BTBD9: variants seen among roughly 807,000 people sequenced by gnomAD.
BTBD9 encodes the protein BTB/POZ domain-containing protein 9.
In BTBD9, 49 loss-of-function variants were observed where a neutral mutation model predicts 64.3. The observed-to-expected ratio is 0.76, with a 90% CI of 0.61 to 0.97. The LOEUF (loss-of-function observed/expected upper bound fraction) is 0.97. BTBD9 is among the 50% of genes least tolerant of loss of function. The pLI, the probability that BTBD9 is intolerant of heterozygous loss-of-function variation, is 0.00. For missense variants in BTBD9, 598 were observed against 762.1 expected, an observed-to-expected ratio of 0.78 and a Z score of 2.53; for synonymous variants, 260 against 274.7, an observed-to-expected ratio of 0.95 and a Z score of 0.53.
intron 7 of BTBD9, among the ~76,000 whole-genome samples, chr6:38,301,351 G>A (rs576448562): frequency 6.6e-6 from 1 of 152,148 alleles, no homozygotes; most frequent in Non-Finnish European, 1.5e-5. Context: ...CCAGGCTTTG[G>A]TATCAGGATG....
intron 9 of BTBD9, among the ~76,000 whole-genome samples, chr6:38,235,432 CA>C (rs1351773364): frequency 6.6e-6 from 1 of 152,114 alleles, no homozygotes; most frequent in East Asian, 1.9e-4. Context: ...AACAGAGCTA[CA>C]AAGAGGGAAA....
Position 38,368,849 on chromosome 6 carries a change from A to G in BTBD9, c.1155-23756T>C, listed in dbSNP as rs542171547. 4.6e-5 allele frequency among the ~76,000 whole-genome samples: 7 copies of G among 152,260 alleles called. No homozygotes were observed. The East Asian group carries it at 1.2e-3, about 25-fold the overall frequency. On this transcript the variant is annotated intron_variant, in intron 6 of 10. Transcript: ENST00000481247. Reference sequence around the variant, plus strand: ...ATTTTCACACCTCTAACTTCAGGGTATTCTTCAATCACAATTCACAGCTCG... The same window carrying G: ...ATTTTCACACCTCTAACTTCAGGGTGTTCTTCAATCACAATTCACAGCTCG...
Position 38,580,307 on chromosome 6 carries a change from A to G in BTBD9, c.945T>C (p.Asp315=), listed in dbSNP as rs562053963. 6.2e-6 allele frequency: 10 copies of G among 1,614,260 alleles called. No individual in the cohort carries two copies. The South Asian group carries it at 9.9e-5, about 16-fold the overall frequency. The change falls in exon 5 of 11, where the codon GAT becomes GAC. Residue 315 remains aspartate (D), a synonymous_variant. Coordinates refer to ENST00000481247, the MANE Select transcript of BTBD9 (RefSeq NM_001099272.2). ...TCTCGATGCCGGAACGGCAGTCATC[A>G]TCAATTGGGTGCCTTGAAAATCCAT... ...LDHGFSRHPI[D]DDCRSGIEIK...
chr6:38,618,211 G>C (rs192980830), intron 1 of BTBD9, among the ~76,000 whole-genome samples: 1 of 152,154 alleles, frequency 6.6e-6, no homozygotes, highest in Non-Finnish European at 1.5e-5. Flanking sequence ...AATTTGACCC[G>C]CAAAACCTGA....
intron 6 of BTBD9, among the ~76,000 whole-genome samples, chr6:38,352,624 G>C (rs1764565502): frequency 6.6e-6 from 1 of 152,138 alleles, no homozygotes; most frequent in African/African-American, 2.4e-5. Flanking sequence ...CTCAATCCCA[G>C]GCTCCACATG....
At chr6:38,451,960 T>TTGGG (rs1349740590) in intron 6 of BTBD9, among the ~76,000 whole-genome samples, 1 of 152,100 alleles carries the variant, frequency 6.6e-6, no homozygotes, top group East Asian at 1.9e-4. Flanking sequence ...TCCTCATTCT[T>TTGGG]TGAAAACTTT....
intron 7 of BTBD9, among the ~76,000 whole-genome samples, chr6:38,328,857 G>A (rs1442613574): frequency 2.0e-5 from 3 of 151,772 alleles, no homozygotes; most frequent in Non-Finnish European, 2.9e-5. Flanking sequence ...TGAGGCAGGC[G>A]AATGGCGTGA....
At chr6:38,185,501 C>T (rs1346538886) in intron 10 of BTBD9, among the ~76,000 whole-genome samples, 1 of 152,210 alleles carries the variant, frequency 6.6e-6, no homozygotes, top group Non-Finnish European at 1.5e-5. Context: ...TACAGCCAGA[C>T]TGCCTGGATT....
intron 9 of BTBD9, among the ~76,000 whole-genome samples, chr6:38,219,875 A>G (rs1763140460): frequency 6.6e-6 from 1 of 152,232 alleles, no homozygotes; most frequent in South Asian, 2.1e-4. Flanking sequence ...CTCTCCAAAG[A>G]GCTGGATAAT....
At chr6:38,336,658 G>A (rs1183989848) in intron 7 of BTBD9, among the ~76,000 whole-genome samples, 1 of 152,078 alleles carries the variant, frequency 6.6e-6, no homozygotes, top group African/African-American at 2.4e-5. Flanking sequence ...GATTTGGATG[G>A]GGATACCGCC....
chr6:38,227,180 G>A (rs1763425538), intron 9 of BTBD9, among the ~76,000 whole-genome samples: 1 of 152,178 alleles, frequency 6.6e-6, no homozygotes, highest in Non-Finnish European at 1.5e-5. Context: ...ACACTGTTTA[G>A]AGGAAGGTCA....
At chr6:38,517,575 G>C (rs541453714) in intron 6 of BTBD9, among the ~76,000 whole-genome samples, 1 of 152,230 alleles carries the variant, frequency 6.6e-6, no homozygotes, top group African/African-American at 2.4e-5. Flanking sequence ...GAATGACATA[G>C]CCTGGTCATA....
intron 7 of BTBD9, among the ~76,000 whole-genome samples, chr6:38,341,714 A>C (rs1313813105): frequency 6.6e-6 from 1 of 152,226 alleles, no homozygotes; most frequent in Non-Finnish European, 1.5e-5. Flanking sequence ...TCTCACTGGT[A>C]AGACAAGTTA....
intron 6 of BTBD9, among the ~76,000 whole-genome samples, chr6:38,522,466 T>C (rs546691216): frequency 9.2e-5 from 14 of 152,252 alleles, no homozygotes; most frequent in Non-Finnish European, 2.1e-4. Flanking sequence ...CTGCAGCCTC[T>C]GACATCACTG....
At position 38,311,837 on chromosome 6, in the gene BTBD9, T is replaced by G. The variant is rs11965019; in HGVS notation, c.1265-23376A>C. On this transcript the variant is annotated intron_variant, in intron 7 of 10. Coordinates refer to ENST00000481247, the MANE Select transcript of BTBD9 (RefSeq NM_001099272.2). ...GTGCATTTTTCTGAAGATCAATAAT[T>G]TAGAGTACCTGAGCACCTTTTCTTT... Among the ~76,000 whole-genome samples, 526 of 152,250 alleles carry G rather than the reference T, an allele frequency of 3.5e-3. 4 individuals are homozygous for G. The highest frequency in any genetic ancestry group is 0.012 in the African/African-American group (499 of 41,556).
intron 1 of BTBD9, among the ~76,000 whole-genome samples, chr6:38,614,829 G>C (rs987408209): frequency 6.6e-6 from 1 of 152,152 alleles, no homozygotes; most frequent in African/African-American, 2.4e-5. Flanking sequence ...TTTCCACTCA[G>C]ACCTTCCTCC....
At position 38,582,669 on chromosome 6, in the gene BTBD9, T is replaced by A. The variant is rs538636556; in HGVS notation, c.815-2232A>T. On this transcript the variant is annotated intron_variant, in intron 4 of 10. Coordinates refer to ENST00000481247, the MANE Select transcript of BTBD9 (RefSeq NM_001099272.2). ...GAGGAAAGAAACAAATAGTATGATA[T>A]AGGGGAAAAAAATGTTAAAGTGAAA... Among the ~76,000 whole-genome samples, 29 of 152,234 alleles carry A rather than the reference T, an allele frequency of 1.9e-4. 1 individual carries two copies. The South Asian group carries it at 5.8e-3, about 30-fold the overall frequency.
At chr6:38,392,727 T>C (rs1766479747) in intron 6 of BTBD9, among the ~76,000 whole-genome samples, 1 of 152,174 alleles carries the variant, frequency 6.6e-6, no homozygotes, top group South Asian at 2.1e-4. Flanking sequence ...ACCGTGCCCT[T>C]TTAATGAACC....
rs368710084 is a variant in BTBD9 at position 38,223,062 on chromosome 6, C to T, written c.1563-30465G>A. ...CTGGGATTACAGGTTCCTGCCACCA[C>T]GCCTGGCTAATTTTTTGCATTTTTA... On this transcript the variant is annotated intron_variant, in intron 9 of 10. Transcript: ENST00000481247. Among the ~76,000 whole-genome samples the T allele has an allele frequency of 6.6e-5, 10 of 152,222 alleles. No homozygotes were observed. The South Asian group carries it at 1.2e-3, about 19-fold the overall frequency.
Sources: allele counts gnomAD v4.1 joint callset (sites outside exome capture counted in the v4.1 genomes callset), GRCh38; gene constraint gnomAD v4.1.1; transcripts MANE v1.5; gene names NCBI Gene and HGNC (gene_info 2026-07-23, HGNC 2026-07-21).